Variants in FRMPD1 observed in about 807,000 individuals in gnomAD.
FRMPD1 encodes FERM and PDZ domain containing 1, also known as FERM and PDZ domain-containing protein 1.
Under a neutral mutation model 117.8 loss-of-function variants are expected in FRMPD1, and 76 were observed. The observed-to-expected ratio is 0.65, with a 90% CI of 0.54 to 0.78. The LOEUF is 0.78. FRMPD1 is among the 30% of genes least tolerant of loss of function. The probability of loss-of-function intolerance (pLI) is 0.00; values close to 1 mark genes in which losing one functional copy is unlikely to be tolerated. For synonymous variants in FRMPD1, 783 were observed against 770.4 expected (o/e 1.02, Z -0.27); for missense variants, 1,786 against 1,964.5 (o/e 0.91, Z 1.72).
At position 37,737,290 on chromosome 9, in the gene FRMPD1, G is replaced by T. The variant is rs757253110; in HGVS notation, c.1549+47G>T. On this transcript the variant is annotated intron_variant, in intron 14 of 15. Transcript: ENST00000377765. Reference sequence around the variant, plus strand: ...CAATAAGGACAGGCCCCTTTCACTGGCCTTGTAGGTAAGGGCAGCCTAAAG... The same window carrying T: ...CAATAAGGACAGGCCCCTTTCACTGTCCTTGTAGGTAAGGGCAGCCTAAAG... The T allele has an allele frequency of 6.3e-6, 10 of 1,581,618 alleles. No individual in the cohort carries two copies. The South Asian group carries it at 1.1e-4, about 18-fold the overall frequency.
chr9:37,625,616 T>C, the FRMPD1 span, among the ~76,000 whole-genome samples: 2 of 152,140 alleles, frequency 1.3e-5, no homozygotes, highest in Non-Finnish European at 2.9e-5. Context: ...CAGGGTCCTG[T>C]TGATATAATT....
intron 7 of FRMPD1, among the ~76,000 whole-genome samples, chr9:37,725,899 C>T (rs1823597524): frequency 6.6e-6 from 1 of 152,206 alleles, no homozygotes; most frequent in African/African-American, 2.4e-5. Context: ...AAAAGGGAAG[C>T]TTTGCAAATG....
At chr9:37,724,483 G>A (rs1019574569) in intron 7 of FRMPD1, among the ~76,000 whole-genome samples, 163 bp downstream of exon 7, 1 of 151,950 alleles carries the variant, frequency 6.6e-6, no homozygotes, top group Admixed American at 6.6e-5. Context: ...TTCGTTGCAC[G>A]ACCACCCAGA....
chr9:37,741,324 T>G (rs1824405045), intron 15 of FRMPD1, among the ~76,000 whole-genome samples: 1 of 151,928 alleles, frequency 6.6e-6, no homozygotes, highest in Non-Finnish European at 1.5e-5. Flanking sequence ...CAAGGCCTTC[T>G]GGGGTCCAAG....
chr9:37,730,260 A>C lies in FRMPD1; in HGVS notation c.738+407A>C, dbSNP rs144082514. The stretch of plus-strand genomic sequence containing the variant: ...CCTTCTTGTGGGACTTACCCCCGAT[A>C]TGGTTCCTGATGGCAGAATAGGGTA... On this transcript the variant is annotated intron_variant, in intron 8 of 15. Transcript: ENST00000377765. Among the ~76,000 whole-genome samples, 399 of 152,274 alleles carry C rather than the reference A, an allele frequency of 2.6e-3. 2 individuals carry two copies. Among genetic ancestry groups the C allele is most frequent in the African/African-American group, 9.2e-3 (382 of 41,556 alleles).
chr9:37,729,675 G>A, intron 7 of FRMPD1, 53 bp from the exon 8 acceptor site: 14 of 1,584,746 alleles, frequency 8.8e-6, no homozygotes, highest in Non-Finnish European at 1.2e-5. Flanking sequence ...AGGAAGGCCA[G>A]GGAAGTCCTT....
chr9:37,728,894 C>T (rs762175981), intron 7 of FRMPD1, among the ~76,000 whole-genome samples: 9 of 150,034 alleles, frequency 6.0e-5, no homozygotes, highest in Non-Finnish European at 1.3e-4. Flanking sequence ...ACCCAGGTGG[C>T]GGCGGTTGCA....
At chr9:37,619,930 A>C in the FRMPD1 span, among the ~76,000 whole-genome samples, 3 of 151,860 alleles carry the variant, frequency 2.0e-5, no homozygotes, top group South Asian at 6.2e-4. Flanking sequence ...AAAAAAAAAA[A>C]ACCTGTATTC....
chr9:37,732,236 C>CCCCTCA, intron 9 of FRMPD1, 68 bp from the exon 10 acceptor site: 1 of 1,549,770 alleles, frequency 6.5e-7, no homozygotes, highest in Non-Finnish European at 8.8e-7. Context: ...CTGCCTTTCA[C>CCCCTCA]CCGAGAGAAC....
Position 37,740,384 on chromosome 9 carries a change from C to A in FRMPD1, c.1856C>A (p.Thr619Asn), listed in dbSNP as rs1424046737. 1.2e-6 allele frequency: 2 copies of A among 1,613,898 alleles called. No individual in the cohort carries two copies. The highest frequency in any genetic ancestry group is 8.5e-7 in the Non-Finnish European group (1 of 1,179,980). Residue 619 changes from threonine to asparagine, a missense_variant, in exon 15 of 16, where the codon ACC becomes AAC. Coordinates refer to ENST00000377765, the MANE Select transcript of FRMPD1 (RefSeq NM_014907.3). This position sits in a 1 kb window ranked among gnomAD's most constrained non-coding sequence, Gnocchi z 4.2. ...MDALEEDDLDTCSSSRSTFFH... is the reference protein window; with the variant it reads ...MDALEEDDLDNCSSSRSTFFH... ...GCTCTGGAAGAGGATGACTTAGACA[C>A]CTGCTCCTCCAGCAGGTCCACCTTC...
the FRMPD1 span, among the ~76,000 whole-genome samples, chr9:37,621,174 G>T: frequency 9.9e-5 from 15 of 152,246 alleles, no homozygotes; most frequent in Middle Eastern, 3.4e-3. Context: ...GATAAAGGAG[G>T]CAGGGGACAG....
chr9:37,654,403 A>G (rs1400922205), intron 1 of FRMPD1, among the ~76,000 whole-genome samples: 1 of 152,190 alleles, frequency 6.6e-6, no homozygotes, highest in African/African-American at 2.4e-5. Flanking sequence ...TGTAAGAGGT[A>G]GGGTAGTTCT....
At chr9:37,620,775 T>G in the FRMPD1 span, among the ~76,000 whole-genome samples, 1 of 152,196 alleles carries the variant, frequency 6.6e-6, no homozygotes, top group African/African-American at 2.4e-5. Flanking sequence ...TCATCTTGTT[T>G]CCTGCTATTC....
At chr9:37,634,777 A>T in the FRMPD1 span, among the ~76,000 whole-genome samples, 24 of 145,756 alleles carry the variant, frequency 1.6e-4, no homozygotes, top group Admixed American at 3.4e-4. Flanking sequence ...TTTTTTTTTT[A>T]AAAAGGGATC....
chr9:37,711,513 G>A, intron 5 of FRMPD1, 118 bp downstream of exon 5: 1 of 789,500 alleles, frequency 1.3e-6, no homozygotes, highest in Non-Finnish European at 2.2e-6. Flanking sequence ...GAGGGTGACA[G>A]CTGCCCGGCA....
intron 13 of FRMPD1, among the ~76,000 whole-genome samples, 155 bp from the exon 14 acceptor site, chr9:37,736,941 C>A (rs1824161770): frequency 6.6e-6 from 1 of 151,602 alleles, no homozygotes; most frequent in Non-Finnish European, 1.5e-5. Context: ...TCATTTAAAG[C>A]CTTGCAAGTG....
the FRMPD1 span, among the ~76,000 whole-genome samples, chr9:37,642,981 C>G: frequency 1.3e-5 from 2 of 152,100 alleles, no homozygotes; most frequent in South Asian, 4.1e-4. Flanking sequence ...TTTGATTTAT[C>G]TAAAGTATTT....
chr9:37,680,210 G>T (rs974929361), intron 1 of FRMPD1, among the ~76,000 whole-genome samples: 5 of 152,180 alleles, frequency 3.3e-5, no homozygotes, highest in Admixed American at 2.6e-4. Flanking sequence ...AAGAGGCTAA[G>T]CCCTTTCTAA....
chr9:37,645,996 A>G (rs1824133574), upstream of FRMPD1, among the ~76,000 whole-genome samples: 1 of 152,186 alleles, frequency 6.6e-6, no homozygotes, highest in African/African-American at 2.4e-5. Flanking sequence ...CGATTTTCCC[A>G]TAGCCACATA....
Sources: allele counts gnomAD v4.1 joint callset (sites outside exome capture counted in the v4.1 genomes callset), GRCh38; gene constraint gnomAD v4.1.1; non-coding constraint Gnocchi (gnomAD v3.1); transcripts MANE v1.5; gene names NCBI Gene and HGNC (gene_info 2026-07-23, HGNC 2026-07-21).